APTX: variants seen among roughly 807,000 people sequenced by gnomAD.
The protein encoded by APTX is forkhead-associated domain histidine triad-like protein.
A neutral mutation model predicts 42.3 loss-of-function variants in APTX; 33 were observed. That is an observed-to-expected ratio of 0.78 (90% CI 0.59 to 1.04). APTX has a LOEUF of 1.04. APTX is among the 50% of genes least tolerant of loss of function. The pLI, the probability that APTX is intolerant of heterozygous loss-of-function variation, is 0.00. For missense variants in APTX, 421 were observed against 415.1 expected (o/e 1.01, Z -0.12); for synonymous variants, 130 against 146.7 (o/e 0.89, Z 0.82).
chr9:32,989,231 G>C (rs549161031), intron 2 of APTX, among the ~76,000 whole-genome samples: 25 of 152,154 alleles, frequency 1.6e-4, no homozygotes, highest in African/African-American at 4.8e-4. Context: ...ACCTTGCTGT[G>C]GGGGGGTCAC....
At chr9:33,002,308 C>A (rs1836703031), upstream of APTX, among the ~76,000 whole-genome samples, 1 of 152,102 alleles carries the variant, frequency 6.6e-6, no homozygotes, top group Admixed American at 6.5e-5. Flanking sequence ...GGCAAAAATT[C>A]TTTGGTTGAA....
intron 4 of APTX, among the ~76,000 whole-genome samples, chr9:32,986,335 A>G (rs1832126883): frequency 6.6e-6 from 1 of 152,092 alleles, no homozygotes; most frequent in Non-Finnish European, 1.5e-5. Context: ...AGCTGGGATT[A>G]CAGGTGCCCA....
Position 32,994,780 on chromosome 9 carries a change from T to C in APTX, c.-4-4885A>G, listed in dbSNP as rs148896396. ...TAGGACTTTCACAGGTAGAGAGAAGTCAATGCCTGACTTCAAAGCTTCAAG... is the reference window on the plus strand; with the variant it reads ...TAGGACTTTCACAGGTAGAGAGAAGCCAATGCCTGACTTCAAAGCTTCAAG... On this transcript the variant is annotated intron_variant, in intron 1 of 7. Coordinates refer to ENST00000379817, the MANE Select transcript of APTX (RefSeq NM_001195248.2). Among the ~76,000 whole-genome samples, 69 of 152,316 alleles carry C rather than the reference T, an allele frequency of 4.5e-4. No individual in the cohort carries two copies. The East Asian group carries it at 0.013, about 29-fold the overall frequency.
At chr9:33,010,163 G>C (rs1391996404) in intron 1 of APTX, among the ~76,000 whole-genome samples, 2 of 152,136 alleles carry the variant, frequency 1.3e-5, no homozygotes, top group African/African-American at 2.4e-5. Context: ...ACAGGCAATA[G>C]TAGTTCCCAG....
At chr9:33,005,148 T>C (rs1837045905), upstream of APTX, among the ~76,000 whole-genome samples, 1 of 152,198 alleles carries the variant, frequency 6.6e-6, no homozygotes, top group African/African-American at 2.4e-5. Flanking sequence ...GAGTTCTTTA[T>C]ATATTCTGGA....
chr9:32,973,313 A>C lies in APTX; in HGVS notation c.*185T>G. 2 of 752,694 alleles carry C rather than the reference A, an allele frequency of 2.7e-6. No homozygotes were observed. Among genetic ancestry groups the C allele is most frequent in the South Asian group, 2.9e-5 (2 of 68,040 alleles). The allele number at this position is 752,694 out of a possible 1,614,324, so 46.6% of individuals were successfully genotyped here. ...CAGAGAATACATCTATGACAAACCCAAATTCCTAATCCTGAAGTACTTTGA... is the reference window on the plus strand; with the variant it reads ...CAGAGAATACATCTATGACAAACCCCAATTCCTAATCCTGAAGTACTTTGA... On this transcript the variant is annotated 3_prime_UTR_variant, in exon 8 of 8. Coordinates refer to ENST00000379817, the MANE Select transcript of APTX (RefSeq NM_001195248.2).
At chr9:32,989,349 G>C (rs927814698) in intron 2 of APTX, among the ~76,000 whole-genome samples, 1 of 152,204 alleles carries the variant, frequency 6.6e-6, no homozygotes, top group Non-Finnish European at 1.5e-5. Flanking sequence ...ACAAGTGCTA[G>C]ATGCCACTGT....
chr9:33,006,769 G>C (rs1837174117), intron 1 of APTX, among the ~76,000 whole-genome samples: 1 of 151,968 alleles, frequency 6.6e-6, no homozygotes, highest in South Asian at 2.1e-4. Context: ...GGGAGGCCGA[G>C]GCAGGCGAAT....
chr9:32,983,286 A>G (rs1831134163), intron 6 of APTX, among the ~76,000 whole-genome samples: 1 of 152,256 alleles, frequency 6.6e-6, no homozygotes, highest in South Asian at 2.1e-4. Flanking sequence ...GCAATGTATG[A>G]TTCCATTTAT....
chr9:33,019,687 T>A (rs574414083), intron 1 of APTX: 60 of 486,482 alleles, frequency 1.2e-4, no homozygotes, highest in Middle Eastern at 1.1e-3. Flanking sequence ...CTCGCCCCAT[T>A]TTCCCAGGCC....
At chr9:33,016,924 C>T (rs1837942701) in intron 1 of APTX, among the ~76,000 whole-genome samples, 1 of 152,186 alleles carries the variant, frequency 6.6e-6, no homozygotes, top group Non-Finnish European at 1.5e-5. Context: ...AATGCATATT[C>T]ATTCATAATT....
At chr9:33,024,643 C>G (rs17325001) in intron 1 of APTX, among the ~76,000 whole-genome samples, 11,300 of 152,200 alleles carry the variant, frequency 0.074, 535 homozygotes, top group Non-Finnish European at 0.11. Flanking sequence ...TCAATCTGCA[C>G]GAATCAGCGA....
upstream of APTX, among the ~76,000 whole-genome samples, chr9:33,004,440 A>G (rs1836976427): frequency 6.6e-6 from 1 of 152,236 alleles, no homozygotes; most frequent in South Asian, 2.1e-4. Flanking sequence ...TTTTAATGTG[A>G]AACAATTTTT....
upstream of APTX, among the ~76,000 whole-genome samples, chr9:33,005,435 GT>G (rs767535259): frequency 6.7e-6 from 1 of 149,794 alleles, no homozygotes; most frequent in Non-Finnish European, 1.5e-5. Flanking sequence ...TTTGTTTTTT[GT>G]TTTTGTTTTT....
chr9:32,994,614 G>T (rs898314871), intron 1 of APTX, among the ~76,000 whole-genome samples: 2 of 152,150 alleles, frequency 1.3e-5, no homozygotes, highest in Non-Finnish European at 2.9e-5. Flanking sequence ...TTTTCCAACA[G>T]CATGTGCTCA....
Position 32,987,726 on chromosome 9 carries a change from C to G in APTX, c.301G>C (p.Glu101Gln), listed in dbSNP as rs1832537426. 1 of 1,614,198 alleles carries G rather than the reference C, an allele frequency of 6.2e-7. No homozygotes were observed. Among genetic ancestry groups the G allele is most frequent in the East Asian group, 2.2e-5 (1 of 44,888 alleles). The change falls in exon 4 of 8, where the codon GAG (glutamate) becomes CAG (glutamine). Residue 101 changes from glutamate (E) to glutamine (Q), a missense_variant. Transcript: ENST00000379817. ...AGGCCAGGGTTCTTTGCCTCTTCCT[C>G]AAACTCTACAATATATGGATAAAGT... The part of the protein sequence containing the change: ...NELYPYIVEF[E>Q]EEAKNPGLET...
chr9:32,994,989 T>C (rs1436417314), intron 1 of APTX, among the ~76,000 whole-genome samples: 1 of 152,198 alleles, frequency 6.6e-6, no homozygotes. Context: ...AAGATCTCTG[T>C]TAAGAACTAC....
intron 1 of APTX, among the ~76,000 whole-genome samples, chr9:33,016,674 C>T (rs1017512691): frequency 6.6e-6 from 1 of 151,582 alleles, no homozygotes; most frequent in African/African-American, 2.4e-5. Flanking sequence ...TACACTCCCC[C>T]CCCCATTTTT....
chr9:33,004,463 T>C (rs1836978791), upstream of APTX, among the ~76,000 whole-genome samples: 1 of 152,206 alleles, frequency 6.6e-6, no homozygotes, highest in Non-Finnish European at 1.5e-5. Flanking sequence ...AAATTCTTCT[T>C]TCAATTATTT....
Sources: gnomAD v4.1 joint callset for allele counts (sites outside exome capture counted in the v4.1 genomes callset) on GRCh38, gnomAD v4.1.1 for gene constraint, MANE v1.5 for transcripts, NCBI Gene and HGNC (gene_info 2026-07-23, HGNC 2026-07-21) for gene names.